RUNX2: variants seen among roughly 807,000 people sequenced by gnomAD.
RUNX2 encodes RUNX family transcription factor 2.
A neutral mutation model predicts 51.7 loss-of-function variants in RUNX2; 10 were observed. That is an observed-to-expected ratio of 0.19 (90% CI 0.12 to 0.33). RUNX2 has a LOEUF of 0.33. RUNX2 is among the 10% of genes least tolerant of loss of function. The pLI, the probability that RUNX2 is intolerant of heterozygous loss-of-function variation, is 1.00. For synonymous variants in RUNX2, 276 were observed against 273.6 expected (o/e 1.01, Z -0.09); for missense variants, 562 against 691.3 (o/e 0.81, Z 2.10).
Position 45,546,348 on chromosome 6 carries a change from A to T in RUNX2, c.1088-479A>T, listed in dbSNP as rs140116189. Among the ~76,000 whole-genome samples, 33 of 152,326 alleles carry T rather than the reference A, an allele frequency of 2.2e-4. No homozygotes were observed. In the East Asian group the frequency reaches 4.0e-3, roughly 19 times the overall value. On this transcript the variant is annotated intron_variant, in intron 8 of 8. Coordinates refer to ENST00000647337, the MANE Select transcript of RUNX2 (RefSeq NM_001024630.4). Reference sequence around the variant, plus strand: ...TAGGATATCTTTTTGATGTTCCTTCATTGATGAAAGAGCCTACCAAGAGTA... The same window carrying T: ...TAGGATATCTTTTTGATGTTCCTTCTTTGATGAAAGAGCCTACCAAGAGTA...
intron 2 of RUNX2, among the ~76,000 whole-genome samples, chr6:45,376,573 C>A (rs1796804661): frequency 6.6e-6 from 1 of 152,224 alleles, no homozygotes; most frequent in African/African-American, 2.4e-5. Context: ...GCAGAAACTG[C>A]TAGTGAAAAG....
At chr6:45,436,988 T>A (rs1798702790) in intron 4 of RUNX2, among the ~76,000 whole-genome samples, 1 of 152,214 alleles carries the variant, frequency 6.6e-6, no homozygotes, top group African/African-American at 2.4e-5. Flanking sequence ...TCTTCCTGTC[T>A]TGTAACAGTT....
At chr6:45,424,448 G>T (rs1798329634) in intron 3 of RUNX2, among the ~76,000 whole-genome samples, 2 of 152,178 alleles carry the variant, frequency 1.3e-5, no homozygotes, top group Non-Finnish European at 2.9e-5. Flanking sequence ...GGTGCTTTGG[G>T]CCCTTGCTAA....
chr6:45,525,821 C>A (rs937149862), intron 7 of RUNX2, among the ~76,000 whole-genome samples: 1 of 151,940 alleles, frequency 6.6e-6, no homozygotes, highest in African/African-American at 2.4e-5. Context: ...ATGGCGAAAC[C>A]CCGTCTCTAC....
chr6:45,330,808 G>C (rs1787324238), intron 2 of RUNX2, among the ~76,000 whole-genome samples: 1 of 151,650 alleles, frequency 6.6e-6, no homozygotes, highest in African/African-American at 2.4e-5. Context: ...ACAGTATCTT[G>C]AAGCCTGAAT....
intron 7 of RUNX2, among the ~76,000 whole-genome samples, chr6:45,530,132 C>A (rs911934228): frequency 6.6e-6 from 1 of 152,190 alleles, no homozygotes; most frequent in African/African-American, 2.4e-5. Context: ...GGCTAAGTTG[C>A]CTTCCTCCTG....
chr6:45,524,896 A>G (rs1009271837), intron 7 of RUNX2, among the ~76,000 whole-genome samples: 28 of 152,136 alleles, frequency 1.8e-4, no homozygotes, highest in African/African-American at 6.3e-4. Flanking sequence ...GTGGATCACA[A>G]GGTCAAGAGA....
In RUNX2 at chr6:45,440,527, A is replaced by T. The variant is rs1041884487; in HGVS notation, c.685+2476A>T. 4.5e-4 allele frequency among the ~76,000 whole-genome samples: 68 copies of T among 152,200 alleles called. 1 individual carries two copies. Among genetic ancestry groups the T allele is most frequent in the Non-Finnish European group, 1.2e-4 (8 of 68,038 alleles). ...GGGCCGTATGGTGGTCTCTGTCACA[A>T]CCACTCAACTCTGCCATTGTAGCTC... On this transcript the variant is annotated intron_variant, in intron 5 of 8. Coordinates refer to ENST00000647337, the MANE Select transcript of RUNX2 (RefSeq NM_001024630.4).
At chr6:45,335,661 G>T (rs996740582) in intron 2 of RUNX2, among the ~76,000 whole-genome samples, 4 of 151,162 alleles carry the variant, frequency 2.6e-5, no homozygotes, top group Non-Finnish European at 5.9e-5. Flanking sequence ...TTTCCATAAA[G>T]CTGATACCTG....
At chr6:45,419,155 T>C (rs1798123396) in intron 2 of RUNX2, among the ~76,000 whole-genome samples, 1 of 152,236 alleles carries the variant, frequency 6.6e-6, no homozygotes, top group African/African-American at 2.4e-5. Context: ...TGGTGGTCCA[T>C]ATTTGAAATA....
At chr6:45,444,174 A>G (rs1798926513) in intron 5 of RUNX2, among the ~76,000 whole-genome samples, 1 of 152,192 alleles carries the variant, frequency 6.6e-6, no homozygotes, top group African/African-American at 2.4e-5. Flanking sequence ...TATACTTTGT[A>G]TCATCCAACT....
chr6:45,461,357 A>G (rs1799471576), intron 5 of RUNX2, among the ~76,000 whole-genome samples: 1 of 152,222 alleles, frequency 6.6e-6, no homozygotes, highest in Non-Finnish European at 1.5e-5. Flanking sequence ...GTGAAGCAAC[A>G]GAGATATTTT....
intron 5 of RUNX2, among the ~76,000 whole-genome samples, chr6:45,469,622 AAATGTACAG>A (rs1283817797): frequency 6.6e-6 from 1 of 152,244 alleles, no homozygotes; most frequent in African/African-American, 2.4e-5. Flanking sequence ...TTCAATTCTG[AAATGTACAG>A]ATCAAATCAA....
chr6:45,506,778 C>A (rs1800980274), intron 6 of RUNX2, among the ~76,000 whole-genome samples: 2 of 152,008 alleles, frequency 1.3e-5, no homozygotes. Flanking sequence ...GTAGCTGGGA[C>A]CACAGGCATG....
intron 2 of RUNX2, among the ~76,000 whole-genome samples, chr6:45,371,330 T>C (rs9472472): frequency 0.12 from 18,281 of 151,842 alleles, 1,259 homozygotes; most frequent in African/African-American, 0.19. Flanking sequence ...GGGGATTTAC[T>C]GTAGGCATGT....
intron 5 of RUNX2, among the ~76,000 whole-genome samples, chr6:45,441,423 GT>G (rs1174438751): frequency 6.6e-6 from 1 of 152,098 alleles, no homozygotes; most frequent in Non-Finnish European, 1.5e-5. Context: ...CTTTGCCTTG[GT>G]TTTCTCATCT....
intron 2 of RUNX2, among the ~76,000 whole-genome samples, chr6:45,415,696 G>A (rs915517929): frequency 2.0e-5 from 3 of 152,034 alleles, no homozygotes; most frequent in African/African-American, 7.2e-5. Context: ...TGCTGTGTGA[G>A]CACAAGTTAA....
chr6:45,512,726 T>G (rs1801199403), intron 7 of RUNX2, among the ~76,000 whole-genome samples: 1 of 152,064 alleles, frequency 6.6e-6, no homozygotes, highest in Admixed American at 6.6e-5. Context: ...GAGGGTATTA[T>G]GCCAGGATTT....
chr6:45,524,021 G>T (rs1801594273), intron 7 of RUNX2, among the ~76,000 whole-genome samples: 1 of 152,084 alleles, frequency 6.6e-6, no homozygotes, highest in Admixed American at 6.6e-5. Flanking sequence ...ATGATAAAAT[G>T]CAAATGACAG....
Sources: gnomAD v4.1 joint callset for allele counts (sites outside exome capture counted in the v4.1 genomes callset) on GRCh38, gnomAD v4.1.1 for gene constraint, MANE v1.5 for transcripts, NCBI Gene and HGNC (gene_info 2026-07-23, HGNC 2026-07-21) for gene names.